The following TAF15 variants were observed in gnomAD, a reference collection of about 807,000 sequenced individuals.
The protein encoded by TAF15 is TATA-box binding protein associated factor 15.
A neutral mutation model predicts 102.5 loss-of-function variants in TAF15; 37 were observed. The observed-to-expected ratio is 0.36, with a 90% CI of 0.28 to 0.47. TAF15 has a LOEUF of 0.47. TAF15 is among the 20% of genes least tolerant of loss of function. The probability of loss-of-function intolerance (pLI) is 0.99; values close to 1 mark genes in which losing one functional copy is unlikely to be tolerated. For synonymous variants in TAF15, 273 were observed against 259.2 expected, an observed-to-expected ratio of 1.05 and a Z score of -0.51; for missense variants, 652 against 760.7, an observed-to-expected ratio of 0.86 and a Z score of 1.68.
At chr17:35,822,453 A>G (rs572329154) in intron 5 of TAF15, among the ~76,000 whole-genome samples, 187 bp from the exon 6 acceptor site, 4 of 152,260 alleles carry the variant, frequency 2.6e-5, no homozygotes, top group East Asian at 3.9e-4. Context: ...CACCTCTTCA[A>G]TGTTGGCAGA....
chr17:35,834,740 C>CTTTTTTTTTCTTTTTTTTT (rs2087451979), intron 9 of TAF15, 142 bp downstream of exon 9: 1 of 212,936 alleles, frequency 4.7e-6, no homozygotes, highest in African/African-American at 5.2e-5. Context: ...AGCTTTATTT[C>CTTTTTTTTTCTTTTTTTTT]TTTTTTTTTT....
At chr17:35,842,301 T>C in intron 11 of TAF15, 66 bp from the exon 12 acceptor site, 2 of 1,249,314 alleles carry the variant, frequency 1.6e-6, no homozygotes, top group South Asian at 1.2e-5. Context: ...CCAAGACTTT[T>C]TCATTTTTGT....
intron 2 of TAF15, among the ~76,000 whole-genome samples, chr17:35,819,242 G>A (rs764578642): frequency 2.6e-5 from 4 of 152,182 alleles, no homozygotes; most frequent in Admixed American, 2.6e-4. Context: ...AAGGAATCTT[G>A]TTAGCACTTG....
intron 7 of TAF15, chr17:35,833,491 C>T (rs1326496585): frequency 6.2e-6 from 1 of 161,518 alleles, no homozygotes; most frequent in Non-Finnish European, 1.4e-5. Flanking sequence ...TCCCGTTCTA[C>T]CATCAAAATC....
In TAF15 at chr17:35,844,897, G is replaced by A. The variant is rs2087603302; in HGVS notation, c.1598G>A (p.Gly533Glu). The part of the protein sequence containing the change: ...GGDRSRGGYG[G>E]DRGGGSGYGG... ...GACAGAAGCCGGGGGGGCTATGGAG[G>A]AGACCGTGGTGGTGGCAGTGGCTAC... The change falls in exon 15 of 16, where the codon GGA (glycine) becomes GAA (glutamate). Residue 533 changes from glycine to glutamate, a missense_variant. By Grantham distance (98) the Gly-to-Glu change is moderately conservative (BLOSUM62 -2). Transcript: ENST00000605844. 6.2e-7 allele frequency: 1 copy of A among 1,613,096 alleles called. No homozygotes were observed. Among genetic ancestry groups the A allele is most frequent in the African/African-American group, 1.3e-5 (1 of 74,818 alleles).
At chr17:35,834,626 G>T (rs1335470600) in intron 9 of TAF15, 28 bp downstream of exon 9, 1 of 1,608,648 alleles carries the variant, frequency 6.2e-7, no homozygotes, top group South Asian at 1.1e-5. Flanking sequence ...TTGTCACTTT[G>T]CCATTAAGAA....
intron 15 of TAF15, among the ~76,000 whole-genome samples, chr17:35,845,734 G>T (rs775923143): frequency 6.6e-6 from 1 of 152,104 alleles, no homozygotes; most frequent in African/African-American, 2.4e-5. Flanking sequence ...TGATCCACCC[G>T]CCTCGGCCTC....
At chr17:35,816,609 A>G (rs548790637) in intron 1 of TAF15, 2 of 152,322 alleles carry the variant, frequency 1.3e-5, no homozygotes, top group East Asian at 3.9e-4. Context: ...ACTTAGAGCC[A>G]TTTTTTGCAG....
In TAF15 at chr17:35,846,604, TC is replaced by T. The variant is rs368160575; in HGVS notation, c.1740-300del. The stretch of plus-strand genomic sequence containing the variant: ...GCTTGCTCATTCCACTATGCCACTC[TC>T]CTATTTAGAGTGCTGGAACTGGGAC... On this transcript the variant is annotated intron_variant, in intron 15 of 15. Transcript: ENST00000605844. Among the ~76,000 whole-genome samples the T allele has an allele frequency of 2.8e-3, 425 of 152,338 alleles. 5 individuals are homozygous for T. Among genetic ancestry groups the T allele is most frequent in the African/African-American group, 9.9e-3 (412 of 41,582 alleles).
chr17:35,846,474 T>C (rs1421856272), intron 15 of TAF15, among the ~76,000 whole-genome samples: 1 of 152,262 alleles, frequency 6.6e-6, no homozygotes, highest in Non-Finnish European at 1.5e-5. Flanking sequence ...CCTTCTGTCA[T>C]TCCTATGAAG....
intron 7 of TAF15, among the ~76,000 whole-genome samples, chr17:35,828,204 A>C (rs1421145985): frequency 6.6e-6 from 1 of 152,236 alleles, no homozygotes. Flanking sequence ...GTAGAAATAC[A>C]CATGTATACA....
intron 11 of TAF15, 111 bp downstream of exon 11, chr17:35,838,664 A>G: frequency 6.7e-7 from 1 of 1,502,560 alleles, no homozygotes; most frequent in Non-Finnish European, 9.1e-7. Context: ...ACTTTTGCAG[A>G]TATTAAGAAT....
intron 1 of TAF15, among the ~76,000 whole-genome samples, chr17:35,812,310 A>G (rs2087133653): frequency 6.6e-6 from 1 of 152,246 alleles, no homozygotes; most frequent in South Asian, 2.1e-4. Flanking sequence ...AAAAACATGA[A>G]GAACGGCTGG....
At chr17:35,827,269 G>C (rs1349822295) in intron 7 of TAF15, among the ~76,000 whole-genome samples, 4 of 150,922 alleles carry the variant, frequency 2.7e-5, no homozygotes, top group African/African-American at 4.9e-5. Flanking sequence ...CCAGGAGGCG[G>C]AGCTTGCAGT....
rs772703762 is a variant in TAF15 at position 35,822,729 on chromosome 17, G to A, written c.380G>A (p.Gly127Asp). Residue 127 changes from glycine to aspartate, a missense_variant, in exon 6 of 16, where the codon GGC becomes GAC. Gly to Asp is a moderately conservative substitution (Grantham distance 94, BLOSUM62 -1). Coordinates refer to ENST00000605844, the MANE Select transcript of TAF15 (RefSeq NM_139215.3). Reference protein sequence around the residue: ...DQQSGYDQHQGSYDEQSNYDQ... With the variant: ...DQQSGYDQHQDSYDEQSNYDQ... ...CAGTCAGGCTATGATCAACATCAAG[G>A]CTCATATGATGAGCAGTCAAATTAT... 1.2e-6 allele frequency: 2 copies of A among 1,613,996 alleles called. No homozygotes were observed. Among genetic ancestry groups the A allele is most frequent in the Non-Finnish European group, 1.7e-6 (2 of 1,180,022 alleles).
intron 7 of TAF15, among the ~76,000 whole-genome samples, chr17:35,829,655 AAGAGAG>A (rs1444076826): frequency 3.7e-5 from 5 of 135,518 alleles, no homozygotes; most frequent in African/African-American, 1.5e-4. Flanking sequence ...AAAAAAAAAA[AAGAGAG>A]AGAGAGACCT....
In TAF15 at chr17:35,809,548, C is replaced by G; in HGVS notation, c.-22C>G. 1 of 1,613,154 alleles carries G rather than the reference C, an allele frequency of 6.2e-7. No individual in the cohort carries two copies. The highest frequency in any genetic ancestry group is 1.1e-5 in the South Asian group (1 of 91,066). ...CGTTGTTCTCGGCGGGCTGTGGGGC[C>G]TCCGCGCCGCGGCCGTTAGTCATGT... On this transcript the variant is annotated 5_prime_UTR_variant, in exon 1 of 16. Coordinates refer to ENST00000605844, the MANE Select transcript of TAF15 (RefSeq NM_139215.3).
At chr17:35,841,506 G>A (rs528827798) in intron 11 of TAF15, among the ~76,000 whole-genome samples, 1 of 150,620 alleles carries the variant, frequency 6.6e-6, no homozygotes, top group South Asian at 2.1e-4. Flanking sequence ...GCTGGGCTTA[G>A]GTGATCCTCC....
chr17:35,819,457 G>T (rs2087233966), intron 2 of TAF15, among the ~76,000 whole-genome samples: 1 of 152,128 alleles, frequency 6.6e-6, no homozygotes, highest in South Asian at 2.1e-4. Flanking sequence ...CTACAATACT[G>T]AGGATACGGT....
Sources: allele counts gnomAD v4.1 joint callset (sites outside exome capture counted in the v4.1 genomes callset), GRCh38; gene constraint gnomAD v4.1.1; transcripts MANE v1.5; gene names NCBI Gene and HGNC (gene_info 2026-07-23, HGNC 2026-07-21).